The following ZNF536 variants were observed in gnomAD, a reference collection of about 807,000 sequenced individuals.
ZNF536 encodes the protein zinc finger protein 536.
In ZNF536, 13 loss-of-function variants were observed where a neutral mutation model predicts 84.5. That is an observed-to-expected ratio of 0.15 (90% CI 0.10 to 0.24). The LOEUF (loss-of-function observed/expected upper bound fraction) is 0.24. Among genes scored for constraint, ZNF536 ranks in the 10% least tolerant of loss-of-function variants. The pLI is 1.00. For missense variants in ZNF536, 1,536 were observed against 1,747.5 expected, an observed-to-expected ratio of 0.88 and a Z score of 2.16; for synonymous variants, 811 against 742.5, an observed-to-expected ratio of 1.09 and a Z score of -1.50.
At chr19:30,250,275 G>T (rs541917821) in intron 1 of ZNF536, among the ~76,000 whole-genome samples, 2 of 152,314 alleles carry the variant, frequency 1.3e-5, no homozygotes, top group South Asian at 4.1e-4. Context: ...TCTTGTGCGG[G>T]CCTCCTCCAA....
intron 1 of ZNF536, among the ~76,000 whole-genome samples, chr19:30,607,620 G>C (rs1317358486): frequency 3.3e-5 from 5 of 151,508 alleles, no homozygotes; most frequent in African/African-American, 1.2e-4. Context: ...TACTCGGGAG[G>C]CTGAGGCAGG....
chr19:30,562,293 C>T (rs750512771), downstream of ZNF536, among the ~76,000 whole-genome samples: 5 of 152,122 alleles, frequency 3.3e-5, no homozygotes, highest in Non-Finnish European at 7.3e-5. Flanking sequence ...GGGATATGTT[C>T]TGGTTTCCCA....
At chr19:30,537,564 G>A (rs1033412710) in intron 3 of ZNF536, among the ~76,000 whole-genome samples, 6 of 150,328 alleles carry the variant, frequency 4.0e-5, no homozygotes, top group East Asian at 1.9e-4. Flanking sequence ...TAACCCTGTC[G>A]GCCCAAGACC....
intron 1 of ZNF536, among the ~76,000 whole-genome samples, chr19:30,589,170 C>G (rs2047195344): frequency 6.6e-6 from 1 of 152,204 alleles, no homozygotes; most frequent in African/African-American, 2.4e-5. Flanking sequence ...TGGGAGGGCT[C>G]TTTGCATCGG....
upstream of ZNF536, among the ~76,000 whole-genome samples, chr19:30,369,739 A>AT (rs200361300): frequency 7.3e-4 from 110 of 151,670 alleles, no homozygotes; most frequent in Middle Eastern, 6.8e-3. Context: ...TTCTTGAGCA[A>AT]TTTTTTTTTA....
intron 2 of ZNF536, among the ~76,000 whole-genome samples, chr19:30,308,746 T>G (rs987060016): frequency 2.6e-5 from 4 of 152,182 alleles, no homozygotes; most frequent in African/African-American, 9.6e-5. Flanking sequence ...GAAGTCACTC[T>G]GTGGTCGCAC....
chr19:30,287,728 G>A (rs1277169433), intron 2 of ZNF536, among the ~76,000 whole-genome samples: 1 of 149,696 alleles, frequency 6.7e-6, no homozygotes, highest in Non-Finnish European at 1.5e-5. Flanking sequence ...ATGGGTGGGT[G>A]GGTGGCTGGA....
At chr19:30,685,857 C>T (rs1227997868) in intron 1 of ZNF536, among the ~76,000 whole-genome samples, 1 of 152,172 alleles carries the variant, frequency 6.6e-6, no homozygotes, top group Non-Finnish European at 1.5e-5. Context: ...TACTCTGCCT[C>T]CTGGAACGTC....
intron 1 of ZNF536, among the ~76,000 whole-genome samples, chr19:30,608,288 C>G (rs1413972213): frequency 6.6e-6 from 1 of 152,104 alleles, no homozygotes; most frequent in Non-Finnish European, 1.5e-5. Context: ...CATCGTGGTC[C>G]TTTGTCCCTA....
intron 1 of ZNF536, among the ~76,000 whole-genome samples, chr19:30,680,494 T>TTTGGGTTTTTTGTTC (rs2050925780): frequency 1.4e-5 from 2 of 146,456 alleles, no homozygotes; most frequent in Admixed American, 7.1e-5. Flanking sequence ...TGAGTGAGAA[T>TTTGGGTTTTTTGTTC]ATGCGGTGTT....
intron 2 of ZNF536, among the ~76,000 whole-genome samples, chr19:30,466,758 A>AAGGG (rs1399668214): frequency 1.2e-3 from 61 of 51,150 alleles, no homozygotes; most frequent in Non-Finnish European, 1.7e-3. Context: ...GAAAGGAGGG[A>AAGGG]AGGAAGGAAG....
chr19:30,297,415 T>G (rs2046033473), intron 2 of ZNF536, among the ~76,000 whole-genome samples: 2 of 152,246 alleles, frequency 1.3e-5, no homozygotes. Flanking sequence ...CCACTTCTTT[T>G]TGAACCCTTG....
rs924214622 is a variant in ZNF536 at position 30,443,634 on chromosome 19, C to T, written c.72C>T (p.Pro24=). The part of the protein sequence containing the change: ...EPEAEPHLSG[P]VLNGQYAMSQ... ...AAGCTGAGCCCCACCTGAGTGGCCC[C>T]GTCCTCAACGGCCAGTATGCCATGA... Residue 24 remains proline (P), a synonymous_variant, in exon 2 of 5, where the codon CCC becomes CCT. Transcript: ENST00000355537. 1.2e-6 allele frequency: 2 copies of T among 1,611,158 alleles called. No homozygotes were observed. The highest frequency in any genetic ancestry group is 1.3e-5 in the African/African-American group (1 of 75,018).
chr19:30,533,710 T>C (rs1447648440), intron 2 of ZNF536, among the ~76,000 whole-genome samples: 3 of 152,212 alleles, frequency 2.0e-5, no homozygotes, highest in Non-Finnish European at 2.9e-5. Context: ...GATCTCATTA[T>C]CCCAGAAGGT....
intron 1 of ZNF536, among the ~76,000 whole-genome samples, chr19:30,375,802 G>A (rs1051160606): frequency 6.6e-6 from 1 of 152,236 alleles, no homozygotes; most frequent in Non-Finnish European, 1.5e-5. Flanking sequence ...AGTGCTTACA[G>A]GAATGTGGGT....
chr19:30,712,968 A>G (rs2052497809), exon 2 of ZNF536: 1 of 152,152 alleles, frequency 6.6e-6, no homozygotes, highest in African/African-American at 2.4e-5. Context: ...GAAAAAAGAA[A>G]AAAAAGAGGA....
intron 2 of ZNF536, among the ~76,000 whole-genome samples, chr19:30,334,065 G>A (rs1304395819): frequency 6.6e-6 from 1 of 152,144 alleles, no homozygotes; most frequent in Non-Finnish European, 1.5e-5. Flanking sequence ...ATTATTGATT[G>A]ACATGATTGG....
intron 2 of ZNF536, among the ~76,000 whole-genome samples, chr19:30,345,894 T>C (rs992429141): frequency 1.3e-5 from 2 of 152,078 alleles, no homozygotes; most frequent in African/African-American, 2.4e-5. Context: ...AGGTGGCAAA[T>C]TGGGACCGGG....
chr19:30,378,516 G>C (rs941510279), intron 1 of ZNF536, among the ~76,000 whole-genome samples: 1 of 152,070 alleles, frequency 6.6e-6, no homozygotes, highest in Non-Finnish European at 1.5e-5. Flanking sequence ...GGTTGGTCTC[G>C]AACTCCTGCC....
Sources: allele counts gnomAD v4.1 joint callset (sites outside exome capture counted in the v4.1 genomes callset), GRCh38; gene constraint gnomAD v4.1.1; transcripts MANE v1.5; gene names NCBI Gene and HGNC (gene_info 2026-07-23, HGNC 2026-07-21).